Variants in RBFOX3 observed in about 807,000 individuals in gnomAD.
RBFOX3 encodes RNA binding protein fox-1 homolog 3.
Under a neutral mutation model 48.7 loss-of-function variants are expected in RBFOX3, and 17 were observed. That is an observed-to-expected ratio of 0.35 (90% CI 0.24 to 0.52). RBFOX3 has a LOEUF of 0.52. Among genes scored for constraint, RBFOX3 ranks in the 20% least tolerant of loss-of-function variants. The pLI, the probability that RBFOX3 is intolerant of heterozygous loss-of-function variation, is 0.94. For missense variants in RBFOX3, 382 were observed against 497.5 expected, an observed-to-expected ratio of 0.77 and a Z score of 2.21; for synonymous variants, 212 against 209.5, an observed-to-expected ratio of 1.01 and a Z score of -0.10.
chr17:79,615,120 G>A (rs2093989001), upstream of RBFOX3, among the ~76,000 whole-genome samples: 1 of 151,978 alleles, frequency 6.6e-6, no homozygotes, highest in African/African-American at 2.4e-5. Context: ...GCAGGAACGA[G>A]AATAGCTCCA....
At chr17:79,399,323 G>A (rs1702499185) in intron 2 of RBFOX3, among the ~76,000 whole-genome samples, 1 of 152,246 alleles carries the variant, frequency 6.6e-6, no homozygotes, top group Admixed American at 6.5e-5. Flanking sequence ...CGAGGCACCG[G>A]GAGGCAAAGG....
intron 2 of RBFOX3, among the ~76,000 whole-genome samples, chr17:79,412,826 T>C (rs2064676212): frequency 6.6e-6 from 1 of 151,780 alleles, no homozygotes; most frequent in African/African-American, 2.4e-5. Flanking sequence ...TGTGTGTGTA[T>C]ATATGTGAGG....
At chr17:79,619,364 C>T in the RBFOX3 span, among the ~76,000 whole-genome samples, 1 of 152,290 alleles carries the variant, frequency 6.6e-6, no homozygotes, top group South Asian at 2.1e-4. Flanking sequence ...TGGGGCCAGG[C>T]TCTCTCAAAA....
At position 79,115,680 on chromosome 17, in the gene RBFOX3, AGGGGGGTACTGGGCG is replaced by A. The variant is rs1249569601; in HGVS notation, c.21_35del (p.Ala8_Pro12del). On this transcript the variant is annotated inframe_deletion, in exon 5 of 15. Transcript: ENST00000693108. ...CGGCAGGGATGCCGTTCTGTGGCGGAGGGGGGTACTGGGCGGGGGGGTAGGGCTGGGCCATCGCTT... is the reference window on the plus strand; with the variant it reads ...CGGCAGGGATGCCGTTCTGTGGCGGAGGGGGGTAGGGCTGGGCCATCGCTT... 9 of 207,352 alleles carry A rather than the reference AGGGGGGTACTGGGCG, an allele frequency of 4.3e-5. No homozygotes were observed. The highest frequency in any genetic ancestry group is 6.4e-5 in the Non-Finnish European group (9 of 140,814). 12.8% of individuals were successfully genotyped at this position (207,352 alleles called of 1,614,324 possible).
At chr17:79,304,074 T>C (rs2075748820) in intron 3 of RBFOX3, among the ~76,000 whole-genome samples, 1 of 152,224 alleles carries the variant, frequency 6.6e-6, no homozygotes, top group Non-Finnish European at 1.5e-5. Context: ...CAGTCTCCTT[T>C]ATAATGTGAA....
chr17:79,484,208 AG>A (rs1237695107), intron 1 of RBFOX3, among the ~76,000 whole-genome samples: 1 of 152,166 alleles, frequency 6.6e-6, no homozygotes, highest in African/African-American at 2.4e-5. Flanking sequence ...TAAATCTACC[AG>A]TTTGTTTCTT....
intron 4 of RBFOX3, among the ~76,000 whole-genome samples, chr17:79,174,756 C>T (rs1260085472): frequency 6.6e-6 from 1 of 151,732 alleles, no homozygotes; most frequent in African/African-American, 2.4e-5. Flanking sequence ...CTGACGCACA[C>T]ACAACACACT....
intron 2 of RBFOX3, among the ~76,000 whole-genome samples, chr17:79,402,523 G>A (rs542171513): frequency 1.3e-5 from 2 of 152,322 alleles, no homozygotes; most frequent in African/African-American, 4.8e-5. Context: ...TAGGGCTCCC[G>A]CTGGAGTGAG....
At chr17:79,300,739 G>T (rs540236455) in intron 3 of RBFOX3, among the ~76,000 whole-genome samples, 1 of 152,270 alleles carries the variant, frequency 6.6e-6, no homozygotes, top group South Asian at 2.1e-4. Flanking sequence ...CCAAGCCGAC[G>T]TTTCGAGACT....
At chr17:79,624,890 C>G in the RBFOX3 span, among the ~76,000 whole-genome samples, 67 of 147,892 alleles carry the variant, frequency 4.5e-4, no homozygotes, top group South Asian at 7.8e-3. Context: ...GCCAGCCAAG[C>G]TCAAGGAAGG....
At chr17:79,399,022 G>A (rs2062424279) in intron 2 of RBFOX3, among the ~76,000 whole-genome samples, 1 of 152,188 alleles carries the variant, frequency 6.6e-6, no homozygotes, top group African/African-American at 2.4e-5. Flanking sequence ...AGACATGCAT[G>A]AGAGAAGGAC....
chr17:79,232,156 C>T (rs1209729833), intron 4 of RBFOX3, among the ~76,000 whole-genome samples: 1 of 152,202 alleles, frequency 6.6e-6, no homozygotes, highest in Non-Finnish European at 1.5e-5. Flanking sequence ...CTGCCTTTGA[C>T]ACATGGGGAT....
intron 3 of RBFOX3, among the ~76,000 whole-genome samples, chr17:79,275,459 C>A (rs937039572): frequency 1.3e-5 from 2 of 152,196 alleles, no homozygotes; most frequent in Admixed American, 6.5e-5. Context: ...TGGTCCCCCC[C>A]CAACCTCCAA....
chr17:79,577,899 G>T (rs2092916969), intron 1 of RBFOX3, among the ~76,000 whole-genome samples: 1 of 152,242 alleles, frequency 6.6e-6, no homozygotes, highest in Non-Finnish European at 1.5e-5. Context: ...CCTGGTGCGA[G>T]GGTGGCTCTG....
In RBFOX3 at chr17:79,205,524, T is replaced by C. The variant is rs1199290512; in HGVS notation, c.-34+30242A>G. Among the ~76,000 whole-genome samples the C allele has an allele frequency of 6.6e-6, 1 of 151,926 alleles. No homozygotes were observed. Among genetic ancestry groups the C allele is most frequent in the Non-Finnish European group, 1.5e-5 (1 of 67,986 alleles). ...CCTAACCCCCAGCTAAGACAGGAAA[T>C]CAGAAAAAACAGTACACCCCAGGGA... On this transcript the variant is annotated intron_variant, in intron 4 of 14. Coordinates refer to ENST00000693108, the MANE Select transcript of RBFOX3 (RefSeq NM_001350451.2). This position sits in a 1 kb window ranked among gnomAD's most constrained non-coding sequence, Gnocchi z 4.5.
intron 8 of RBFOX3, among the ~76,000 whole-genome samples, chr17:79,102,174 G>C (rs909114418): frequency 2.9e-4 from 44 of 152,196 alleles, no homozygotes; most frequent in African/African-American, 1.0e-3. Flanking sequence ...CGACAGGGAG[G>C]GGGGCTCTGG....
rs1313903715 is a variant in RBFOX3 at position 79,141,758 on chromosome 17, T to C, written c.-33-26010A>G. On this transcript the variant is annotated intron_variant, in intron 4 of 14. Coordinates refer to ENST00000693108, the MANE Select transcript of RBFOX3 (RefSeq NM_001350451.2). Reference sequence around the variant, plus strand: ...AGACAGCCTCCCTGGGCAGGCTGTGTGAGGACTAAAGCTGTTAACACAGGT... The same window carrying C: ...AGACAGCCTCCCTGGGCAGGCTGTGCGAGGACTAAAGCTGTTAACACAGGT... 2.0e-5 allele frequency among the ~76,000 whole-genome samples: 3 copies of C among 152,064 alleles called. No individual in the cohort carries two copies. In the East Asian group the frequency reaches 5.8e-4, roughly 29 times the overall value.
At chr17:79,162,330 T>TG (rs1308654401) in intron 4 of RBFOX3, among the ~76,000 whole-genome samples, 1 of 152,164 alleles carries the variant, frequency 6.6e-6, no homozygotes, top group Admixed American at 6.5e-5. Context: ...GGACGGAGCA[T>TG]GGGGCCCACC....
chr17:79,362,849 G>A lies in RBFOX3; in HGVS notation c.-174-55025C>T, dbSNP rs956235821. Among the ~76,000 whole-genome samples the A allele has an allele frequency of 1.3e-5, 2 of 152,152 alleles. No homozygotes were observed. The highest frequency in any genetic ancestry group is 4.8e-5 in the African/African-American group (2 of 41,436). On this transcript the variant is annotated intron_variant, in intron 2 of 14. Transcript: ENST00000693108. The surrounding 1 kb of genome is among the most constrained non-coding windows in gnomAD (Gnocchi z 4.2). ...GAACATCAGACAACCCTGAACGCCC[G>A]GCTCTGTGTGCAGACCTCATTCTCG...
Sources: allele counts gnomAD v4.1 joint callset (sites outside exome capture counted in the v4.1 genomes callset), GRCh38; gene constraint gnomAD v4.1.1; non-coding constraint Gnocchi (gnomAD v3.1); transcripts MANE v1.5; gene names NCBI Gene and HGNC (gene_info 2026-07-23, HGNC 2026-07-21).